Variants in TRIM14 observed in about 807,000 individuals in gnomAD.
TRIM14 encodes tripartite motif containing 14, also known as tripartite motif-containing protein 14.
TRIM14 carries 28 observed loss-of-function variants against 44.5 expected under a neutral mutation model. That is an observed-to-expected ratio of 0.63 (90% CI 0.47 to 0.86). The LOEUF (loss-of-function observed/expected upper bound fraction) is 0.86. Ranked by LOEUF, TRIM14 falls within the 40% of genes least tolerant of loss-of-function variation. TRIM14 has a pLI of 0.00. For synonymous variants in TRIM14, 299 were observed against 269.2 expected, an observed-to-expected ratio of 1.11 and a Z score of -1.08; for missense variants, 607 against 611.1, an observed-to-expected ratio of 0.99 and a Z score of 0.07.
the TRIM14 span, among the ~76,000 whole-genome samples, chr9:98,041,495 C>CTT: frequency 7.3e-3 from 1,066 of 145,358 alleles, 9 homozygotes; most frequent in African/African-American, 0.025. Flanking sequence ...ATAAGGACAT[C>CTT]TTTTTTTTTT....
chr9:98,054,802 C>T, the TRIM14 span, among the ~76,000 whole-genome samples: 10 of 152,144 alleles, frequency 6.6e-5, no homozygotes, highest in Admixed American at 2.0e-4. Flanking sequence ...TCTACAGAAC[C>T]GGGGCAGGTA....
Position 98,087,510 on chromosome 9 carries a change from C to A in TRIM14, c.1289G>T (p.Arg430Leu), listed in dbSNP as rs1825822987. ...TFQEPLYPAL[R>L]LWEGAISIPR... ...GATGCTGATGGCCCCCTCCCAGAGC[C>A]GCAGGGCCGGGTAGAGCGGCTCCTG... Residue 430 changes from arginine to leucine, a missense_variant, in exon 6 of 6, where the codon CGG becomes CTG. Physicochemically the swap from Arg to Leu is moderately radical, Grantham distance 102. This residue lies in a region of TRIM14 where 356 missense variants were observed against 323.0 expected (regional missense o/e 1.10). Coordinates refer to ENST00000341469, the MANE Select transcript of TRIM14 (RefSeq NM_014788.4). 14 of 1,599,574 alleles carry A rather than the reference C, an allele frequency of 8.8e-6. No individual in the cohort carries two copies. The highest frequency in any genetic ancestry group is 1.2e-5 in the Non-Finnish European group (14 of 1,173,452).
At chr9:98,088,346 T>TTTTC (rs10685435) in intron 5 of TRIM14, among the ~76,000 whole-genome samples, 92,652 of 151,414 alleles carry the variant, frequency 0.61, 31,213 homozygotes, top group African/African-American at 0.9. Context: ...GCTTTATAGC[T>TTTTC]TTTCTTTTTC....
intron 5 of TRIM14, among the ~76,000 whole-genome samples, chr9:98,090,137 A>G (rs990080689): frequency 1.3e-5 from 2 of 152,240 alleles, no homozygotes; most frequent in Non-Finnish European, 2.9e-5. Flanking sequence ...AAGGCACGAA[A>G]AAGAAGTGAA....
chr9:98,084,228 T>G (rs984896592), downstream of TRIM14: 2 of 152,228 alleles, frequency 1.3e-5, no homozygotes, highest in African/African-American at 4.8e-5. Flanking sequence ...CAGGTTCCTG[T>G]GCTGTACGAG....
At chr9:98,060,989 A>G in the TRIM14 span, 7 of 1,613,598 alleles carry the variant, frequency 4.3e-6, no homozygotes, top group Non-Finnish European at 5.9e-6. Flanking sequence ...TGCCTCTGGC[A>G]TGGATGAGGT....
At chr9:98,052,196 G>T in the TRIM14 span, among the ~76,000 whole-genome samples, 1 of 152,116 alleles carries the variant, frequency 6.6e-6, no homozygotes, top group Non-Finnish European at 1.5e-5. Context: ...GAGGGAAACA[G>T]AGGTTTTTCC....
At chr9:98,051,538 G>A in the TRIM14 span, among the ~76,000 whole-genome samples, 4 of 152,234 alleles carry the variant, frequency 2.6e-5, no homozygotes, top group East Asian at 1.9e-4. Context: ...AACCTATCAT[G>A]GGGGATACAT....
Position 98,095,125 on chromosome 9 carries a change from C to T in TRIM14, c.538-96G>A, listed in dbSNP as rs1826139789. The T allele has an allele frequency of 1.4e-6, 2 of 1,460,658 alleles. No individual in the cohort carries two copies. Among genetic ancestry groups the T allele is most frequent in the Non-Finnish European group, 9.1e-7 (1 of 1,097,632 alleles). 90.5% of individuals were successfully genotyped at this position (1,460,658 alleles called of 1,614,324 possible). A position where few individuals can be genotyped will look rare whatever the true frequency, so the allele number is the denominator to read the frequency against. On this transcript the variant is annotated intron_variant, in intron 3 of 5. Coordinates refer to ENST00000341469, the MANE Select transcript of TRIM14 (RefSeq NM_014788.4). The surrounding 1 kb of genome is among the most constrained non-coding windows in gnomAD (Gnocchi z 4.1). ...CCAGGAACAAACCCACACCAGCATG[C>T]CCAGGCTCCACGTTGGCCTGGCACC...
At chr9:98,058,997 A>G in the TRIM14 span, among the ~76,000 whole-genome samples, 3 of 152,024 alleles carry the variant, frequency 2.0e-5, no homozygotes, top group Admixed American at 2.0e-4. Flanking sequence ...TAGTGATCTC[A>G]GCACTGACAT....
chr9:98,100,515 A>C lies in TRIM14; in HGVS notation c.304-351T>G, dbSNP rs114994491. 9.4e-3 allele frequency among the ~76,000 whole-genome samples: 1,426 copies of C among 152,342 alleles called. 21 individuals carry two copies. Among genetic ancestry groups the C allele is most frequent in the African/African-American group, 0.033 (1,353 of 41,574 alleles). ...ATGAAATTCTAATCAAAATCTTAACATGCTGATTAAAAATTATTAAATCAT... is the reference window on the plus strand; with the variant it reads ...ATGAAATTCTAATCAAAATCTTAACCTGCTGATTAAAAATTATTAAATCAT... On this transcript the variant is annotated intron_variant, in intron 2 of 5. Coordinates refer to ENST00000341469, the MANE Select transcript of TRIM14 (RefSeq NM_014788.4).
chr9:98,099,667 G>C (rs1043776532), intron 3 of TRIM14, among the ~76,000 whole-genome samples: 1 of 152,104 alleles, frequency 6.6e-6, no homozygotes, highest in Non-Finnish European at 1.5e-5. Context: ...GTGAATATTA[G>C]TGCTAAACTA....
Position 98,085,778 on chromosome 9 carries a change from G to T in TRIM14, c.*1692C>A, listed in dbSNP as rs1402156466. 6.6e-6 allele frequency: 1 copy of T among 152,134 alleles called. No homozygotes were observed. The highest frequency in any genetic ancestry group is 6.5e-5 in the Admixed American group (1 of 15,272). The allele number at this position is 152,134 out of a possible 1,614,324, so 9.4% of individuals were successfully genotyped here. Reference sequence around the variant, plus strand: ...TGCTACATTGTCTCATATCAAAAGTGCCATTTTTAACTCAAAAACTATTGA... The same window carrying T: ...TGCTACATTGTCTCATATCAAAAGTTCCATTTTTAACTCAAAAACTATTGA... On this transcript the variant is annotated 3_prime_UTR_variant, in exon 6 of 6. Transcript: ENST00000341469.
At position 98,077,793 on chromosome 9, in the gene TRIM14, C is replaced by G. The variant is rs1329309665; in HGVS notation, c.*29-8106G>C. ...GAGGCCTCTGAGACTCAGAGACGGA[C>G]AGTACTCTGCCCAGGCACAGCTAGA... On this transcript the variant is annotated intron_variant, in intron 6 of 6. Coordinates refer to the TRIM14 transcript ENST00000375098. 3.9e-5 allele frequency among the ~76,000 whole-genome samples: 6 copies of G among 152,196 alleles called. No homozygotes were observed. In the East Asian group the frequency reaches 9.6e-4, roughly 24 times the overall value.
intron 5 of TRIM14, among the ~76,000 whole-genome samples, chr9:98,091,220 C>T (rs2118266969): frequency 6.6e-6 from 1 of 152,224 alleles, no homozygotes; most frequent in South Asian, 2.1e-4. Context: ...AAAATGTAAA[C>T]ATCCAACATT....
At chr9:98,065,471 C>G (rs189092054), downstream of TRIM14, among the ~76,000 whole-genome samples, 10 of 146,434 alleles carry the variant, frequency 6.8e-5, no homozygotes, top group African/African-American at 2.5e-4. Context: ...CGTCCACCAC[C>G]ATGCCCAGCT....
At chr9:98,057,920 TG>T in the TRIM14 span, among the ~76,000 whole-genome samples, 1 of 110,578 alleles carries the variant, frequency 9.0e-6, no homozygotes, top group Non-Finnish European at 1.8e-5. Flanking sequence ...TTTTTTTTCC[TG>T]GTTTTTTTTT....
At chr9:98,081,930 G>C (rs1381785193), downstream of TRIM14, 3 of 152,230 alleles carry the variant, frequency 2.0e-5, no homozygotes, top group African/African-American at 7.2e-5. Flanking sequence ...CCAGAAACCA[G>C]AGTAAGATTT....
rs1193742831 is a variant in TRIM14 at position 98,087,992 on chromosome 9, G to A, written c.807C>T (p.Pro269=). ...CGTGCATCGTGTCAGGATCCAGCGT[G>A]GGCGTGCGCGCGTCTGCAGGGGGCG... ...RSLLLKYART[P]TLDPDTMHAR... is the part of the protein sequence containing the mutation. The change falls in exon 6 of 6, where the codon CCC becomes CCT. Residue 269 remains proline (P), a synonymous_variant. Coordinates refer to ENST00000341469, the MANE Select transcript of TRIM14 (RefSeq NM_014788.4). The A allele has an allele frequency of 2.6e-6, 4 of 1,547,372 alleles. No individual in the cohort carries two copies. The highest frequency in any genetic ancestry group is 2.6e-6 in the Non-Finnish European group (3 of 1,159,274).
Sources: allele counts gnomAD v4.1 joint callset (sites outside exome capture counted in the v4.1 genomes callset), GRCh38; gene constraint gnomAD v4.1.1; regional missense constraint gnomAD v4.1.1; non-coding constraint Gnocchi (gnomAD v3.1); transcripts MANE v1.5; gene names NCBI Gene and HGNC (gene_info 2026-07-23, HGNC 2026-07-21).